The following DSC3 variants were observed in gnomAD, a reference collection of about 807,000 sequenced individuals.
DSC3 encodes the protein desmocollin 3.
Under a neutral mutation model 89.5 loss-of-function variants are expected in DSC3, and 97 were observed. The observed-to-expected ratio is 1.08, with a 90% confidence interval of 0.92 to 1.28. The LOEUF (loss-of-function observed/expected upper bound fraction) is 1.28. Ranked by LOEUF, DSC3 falls within the 50% of genes most tolerant of loss-of-function variation. The pLI is 0.00. For synonymous variants in DSC3, 436 were observed against 384.1 expected (o/e 1.14, Z -1.58); for missense variants, 1,199 against 1,085.3 (o/e 1.10, Z -1.47).
Position 31,008,571 on chromosome 18 carries a change from C to T in DSC3, c.1264-46G>A, listed in dbSNP as rs1313587. ...ATATCAGTGTCAGTGTAAAATACAT[C>T]TGGCATTTCAAATGGCAAGTGAACA... On this transcript the variant is annotated intron_variant, in intron 9 of 15. Transcript: ENST00000360428. 415,958 of 1,607,618 alleles carry T rather than the reference C, an allele frequency of 0.26. 58,173 individuals carry two copies. The highest frequency in any genetic ancestry group is 0.57 in the East Asian group (25,619 of 44,838).
chr18:31,027,454 G>A (rs1985634570), intron 4 of DSC3, among the ~76,000 whole-genome samples: 1 of 122,012 alleles, frequency 8.2e-6, no homozygotes. Context: ...GCTCAGTTCA[G>A]ATGCATTGGT....
chr18:31,041,993 C>A (rs1042918252), intron 1 of DSC3, among the ~76,000 whole-genome samples: 1 of 152,126 alleles, frequency 6.6e-6, no homozygotes, highest in African/African-American at 2.4e-5. Flanking sequence ...ATCCCGCCCC[C>A]AGCTGGGTGG....
Position 31,008,017 on chromosome 18 carries a change from T to G in DSC3, c.1662A>C (p.Lys554Asn). The change falls in exon 11 of 16, where the codon AAA becomes AAC. Residue 554 changes from lysine to asparagine, a missense_variant and splice_region_variant. Coordinates refer to ENST00000360428, the MANE Select transcript of DSC3 (RefSeq NM_001941.5). ...ACCAGATTAAAACTTTTTTTTTACC[T>G]TTGTCTATTGCCAGGACTGTAATAT... is the stretch of plus-strand genomic sequence containing the variant. ...LYNITVLAID[K>N]DDRSCTGTLA... 1 of 1,612,252 alleles carries G rather than the reference T, an allele frequency of 6.2e-7. No individual in the cohort carries two copies. The highest frequency in any genetic ancestry group is 8.5e-7 in the Non-Finnish European group (1 of 1,178,778).
chr18:30,997,231 A>G (rs182466992), intron 14 of DSC3, among the ~76,000 whole-genome samples, 183 bp from the exon 15 acceptor site: 122 of 152,350 alleles, frequency 8.0e-4, no homozygotes, highest in African/African-American at 2.5e-3. Flanking sequence ...TTGTGCTGCT[A>G]TAACAGAATA....
intron 5 of DSC3, among the ~76,000 whole-genome samples, chr18:31,024,756 C>T (rs1163901317): frequency 6.6e-6 from 1 of 152,090 alleles, no homozygotes; most frequent in Non-Finnish European, 1.5e-5. Context: ...GTCCACTAGA[C>T]TGAGGAATTA....
At chr18:31,006,625 A>G (rs1271878986) in intron 12 of DSC3, among the ~76,000 whole-genome samples, 1 of 151,932 alleles carries the variant, frequency 6.6e-6, no homozygotes, top group East Asian at 1.9e-4. Context: ...AAAAACATGC[A>G]CACACACACA....
In DSC3 at chr18:31,042,413, A is replaced by T. The variant is rs1248941668; in HGVS notation, c.69+179T>A. Among the ~76,000 whole-genome samples, 3 of 152,168 alleles carry T rather than the reference A, an allele frequency of 2.0e-5. No individual in the cohort carries two copies. In the East Asian group the frequency reaches 5.8e-4, roughly 29 times the overall value. ...AGCTCAGTCCAGAGTCGACCCGCAA[A>T]CACACGTTTTCTCTCCTCACTCCTG... On this transcript the variant is annotated intron_variant, in intron 1 of 15. Transcript: ENST00000360428.
At chr18:31,033,225 G>A (rs1440317248) in intron 1 of DSC3, among the ~76,000 whole-genome samples, 2 of 152,038 alleles carry the variant, frequency 1.3e-5, no homozygotes, top group Non-Finnish European at 2.9e-5. Context: ...TTAATTTACA[G>A]ATTCAATACA....
intron 14 of DSC3, among the ~76,000 whole-genome samples, chr18:30,998,763 G>A (rs1984557503): frequency 6.6e-6 from 1 of 152,012 alleles, no homozygotes; most frequent in Non-Finnish European, 1.5e-5. Flanking sequence ...GGTAAGGAGT[G>A]GGAGCAGCCA....
chr18:31,006,508 C>G (rs781558868), intron 12 of DSC3, among the ~76,000 whole-genome samples: 1 of 152,054 alleles, frequency 6.6e-6, no homozygotes, highest in Admixed American at 6.6e-5. Flanking sequence ...CCATGTTGGC[C>G]AGGCTGGTCT....
intron 6 of DSC3, among the ~76,000 whole-genome samples, chr18:31,024,141 T>G (rs967237061): frequency 2.6e-5 from 4 of 152,124 alleles, no homozygotes; most frequent in Non-Finnish European, 4.4e-5. Context: ...TTAATTAGTA[T>G]CATATTGACA....
intron 9 of DSC3, among the ~76,000 whole-genome samples, chr18:31,011,178 A>T (rs1407206799): frequency 6.6e-6 from 1 of 152,210 alleles, no homozygotes; most frequent in Non-Finnish European, 1.5e-5. Context: ...TGGGAAAGTT[A>T]TTTAGTCTCT....
intron 1 of DSC3, among the ~76,000 whole-genome samples, chr18:31,041,159 C>A (rs77297697): frequency 0.01 from 1,571 of 152,274 alleles, 16 homozygotes; most frequent in Non-Finnish European, 0.017. Context: ...GAGCCTCGAG[C>A]GAATGCGAGA....
At chr18:31,040,710 G>A (rs2245035) in intron 1 of DSC3, among the ~76,000 whole-genome samples, 58,766 of 151,786 alleles carry the variant, frequency 0.39, 11,913 homozygotes, top group East Asian at 0.7. Context: ...AACAAACAAT[G>A]TTTTAAAGAT....
chr18:31,006,520 G>A (rs1463456051), intron 12 of DSC3, among the ~76,000 whole-genome samples: 2 of 151,954 alleles, frequency 1.3e-5, no homozygotes, highest in Admixed American at 1.3e-4. Context: ...GGCTGGTCTT[G>A]AACTCCTGAC....
chr18:31,026,869 A>C (rs1196266814), intron 4 of DSC3, among the ~76,000 whole-genome samples: 1 of 152,132 alleles, frequency 6.6e-6, no homozygotes, highest in Non-Finnish European at 1.5e-5. Flanking sequence ...CTAGAAGGTG[A>C]GAGAGTGTCT....
chr18:31,025,674 A>T, intron 5 of DSC3, 86 bp downstream of exon 5: 1 of 1,377,482 alleles, frequency 7.3e-7, no homozygotes, highest in East Asian at 2.3e-5. Context: ...AGAGAATGCA[A>T]GGAGAGAGGA....
chr18:31,016,001 G>T (rs933417168), intron 9 of DSC3, among the ~76,000 whole-genome samples: 3 of 152,096 alleles, frequency 2.0e-5, no homozygotes, highest in Non-Finnish European at 4.4e-5. Flanking sequence ...CTCATTATAT[G>T]CTAATTATAA....
At chr18:31,030,125 A>G (rs1341853413) in intron 3 of DSC3, among the ~76,000 whole-genome samples, 2 of 152,138 alleles carry the variant, frequency 1.3e-5, no homozygotes, top group African/African-American at 4.8e-5. Flanking sequence ...AAATTAACTG[A>G]CACTAAATAA....
Sources: allele counts gnomAD v4.1 joint callset (sites outside exome capture counted in the v4.1 genomes callset), GRCh38; gene constraint gnomAD v4.1.1; transcripts MANE v1.5; gene names NCBI Gene and HGNC (gene_info 2026-07-23, HGNC 2026-07-21).